The following RBM6 variants were observed in gnomAD, a reference collection of about 807,000 sequenced individuals.
RBM6 encodes the protein RNA-binding protein 6.
In RBM6, 23 loss-of-function variants were observed where a neutral mutation model predicts 140.4. That is an observed-to-expected ratio of 0.16 (90% CI 0.12 to 0.23). The LOEUF (loss-of-function observed/expected upper bound fraction) is 0.23. RBM6 is among the 10% of genes least tolerant of loss of function. The pLI is 1.00. For synonymous variants in RBM6, 439 were observed against 475.6 expected (o/e 0.92, Z 1.00); for missense variants, 1,139 against 1,386.7 (o/e 0.82, Z 2.84).
At chr3:49,997,264 T>A (rs2086126975) in intron 5 of RBM6, among the ~76,000 whole-genome samples, 1 of 152,120 alleles carries the variant, frequency 6.6e-6, no homozygotes, top group Admixed American at 6.6e-5. Context: ...GTGTTGGGCT[T>A]GTGAATATAA....
Position 50,024,500 on chromosome 3 carries a change from A to T in RBM6, c.1558-23745A>T, listed in dbSNP as rs368057000. Among the ~76,000 whole-genome samples, 15 of 152,194 alleles carry T rather than the reference A, an allele frequency of 9.9e-5. No homozygotes were observed. In the South Asian group the frequency reaches 1.0e-3, roughly 11 times the overall value. The stretch of plus-strand genomic sequence containing the variant: ...GTCTTTTGACTTTCTTTTGAGCCTT[A>T]TGTAATTAGAATCACAAAAGATGTA... On this transcript the variant is annotated intron_variant, in intron 6 of 20. Transcript: ENST00000266022.
intron 6 of RBM6, among the ~76,000 whole-genome samples, chr3:50,026,225 C>T (rs1290178066): frequency 6.6e-6 from 1 of 151,476 alleles, no homozygotes; most frequent in South Asian, 2.1e-4. Context: ...GCTGGGATTA[C>T]AGGCACCCAC....
chr3:49,979,371 T>C (rs1181165760), intron 5 of RBM6, among the ~76,000 whole-genome samples: 1 of 152,058 alleles, frequency 6.6e-6, no homozygotes, highest in Non-Finnish European at 1.5e-5. Context: ...ATTGTGAATG[T>C]ACTTAATGCT....
intron 6 of RBM6, among the ~76,000 whole-genome samples, chr3:50,032,127 A>T (rs2088202584): frequency 6.6e-6 from 1 of 152,130 alleles, no homozygotes; most frequent in African/African-American, 2.4e-5. Context: ...TGCCCAGTTA[A>T]AAAGCAGATT....
In RBM6 at chr3:50,061,767, T is replaced by C. The variant is rs555807640; in HGVS notation, c.2440-195T>C. On this transcript the variant is annotated intron_variant, in intron 14 of 20. Coordinates refer to ENST00000266022, the MANE Select transcript of RBM6 (RefSeq NM_005777.3). Reference sequence around the variant, plus strand: ...AATACAGGTAAGAACAGTGTTGCTCTTGAAAAAGTGGACAGTGGGTGGTCT... The same window carrying C: ...AATACAGGTAAGAACAGTGTTGCTCCTGAAAAAGTGGACAGTGGGTGGTCT... The C allele has an allele frequency of 1.0e-3, 1,363 of 1,313,940 alleles. 1 individual carries two copies. Among genetic ancestry groups the C allele is most frequent in the Non-Finnish European group, 1.3e-3 (1,278 of 985,526 alleles). The allele number at this position is 1,313,940 out of a possible 1,614,324, so 81.4% of individuals were successfully genotyped here. A position where few individuals can be genotyped will look rare whatever the true frequency, so the allele number is the denominator to read the frequency against.
chr3:50,007,455 T>A (rs537012983), intron 6 of RBM6, among the ~76,000 whole-genome samples: 1 of 151,732 alleles, frequency 6.6e-6, no homozygotes, highest in East Asian at 1.9e-4. Flanking sequence ...CCCAAAGTGC[T>A]GGATTACAGG....
chr3:50,027,944 A>C (rs2087932373), intron 6 of RBM6, among the ~76,000 whole-genome samples: 1 of 152,218 alleles, frequency 6.6e-6, no homozygotes, highest in South Asian at 2.1e-4. Context: ...TAGTGTTGAA[A>C]ACATGGCATA....
At chr3:50,053,854 A>G (rs988228867) in intron 7 of RBM6, among the ~76,000 whole-genome samples, 1 of 152,208 alleles carries the variant, frequency 6.6e-6, no homozygotes, top group African/African-American at 2.4e-5. Flanking sequence ...TGTCTTTTAG[A>G]TAGCTGCCAG....
intron 6 of RBM6, among the ~76,000 whole-genome samples, chr3:50,020,457 A>T (rs2087419060): frequency 6.6e-6 from 1 of 152,136 alleles, no homozygotes; most frequent in Non-Finnish European, 1.5e-5. Context: ...AGCTCAGATT[A>T]TTGATTTTTA....
At chr3:49,992,528 C>T (rs1332672598) in intron 5 of RBM6, among the ~76,000 whole-genome samples, 1 of 152,186 alleles carries the variant, frequency 6.6e-6, no homozygotes, top group Non-Finnish European at 1.5e-5. Flanking sequence ...CATTGCATCC[C>T]TGAAACCACC....
At chr3:50,034,062 GTCT>G (rs2088353408) in intron 6 of RBM6, among the ~76,000 whole-genome samples, 1 of 145,806 alleles carries the variant, frequency 6.9e-6, no homozygotes, top group South Asian at 2.2e-4. Flanking sequence ...ATAAGACTAT[GTCT>G]TCTTTTTATT....
At chr3:49,976,243 T>C (rs2085057745) in intron 5 of RBM6, among the ~76,000 whole-genome samples, 1 of 152,156 alleles carries the variant, frequency 6.6e-6, no homozygotes, top group African/African-American at 2.4e-5. Flanking sequence ...AGGATATAAT[T>C]TACTATTAGC....
rs2090265508 is a variant in RBM6, at chr3:50,070,450, A to G, written c.3019-5A>G. 1 of 1,612,174 alleles carries G rather than the reference A, an allele frequency of 6.2e-7. No individual in the cohort carries two copies. Among genetic ancestry groups the G allele is most frequent in the Non-Finnish European group, 8.5e-7 (1 of 1,178,388 alleles). ...TCTCAGGTCTGCTCTTCTGCTTACC[A>G]ACAGGGAAAGTTTAAAGGAAGAGGA... On this transcript the variant is annotated splice_region_variant and splice_polypyrimidine_tract_variant and intron_variant, in intron 18 of 20. Transcript: ENST00000266022.
intron 5 of RBM6, among the ~76,000 whole-genome samples, chr3:49,980,174 G>A (rs1330636796): frequency 6.6e-6 from 1 of 151,086 alleles, no homozygotes; most frequent in African/African-American, 2.4e-5. Context: ...GCTAATTTTT[G>A]TATTTTTTTT....
chr3:50,001,816 G>A (rs995014450), intron 6 of RBM6, among the ~76,000 whole-genome samples: 4 of 152,138 alleles, frequency 2.6e-5, no homozygotes, highest in African/African-American at 7.2e-5. Context: ...TAAGTCGTTC[G>A]CCTCTGTGCT....
At chr3:50,026,163 C>T (rs896316053) in intron 6 of RBM6, among the ~76,000 whole-genome samples, 10 of 151,790 alleles carry the variant, frequency 6.6e-5, no homozygotes, top group Non-Finnish European at 1.0e-4. Context: ...CGGCTCACTG[C>T]AGCCTCCGCC....
chr3:49,961,214 A>C (rs1290179337), intron 1 of RBM6, among the ~76,000 whole-genome samples: 1 of 151,988 alleles, frequency 6.6e-6, no homozygotes, highest in Non-Finnish European at 1.5e-5. Flanking sequence ...CATAGCTGGG[A>C]TTACAGGTGC....
intron 14 of RBM6, 114 bp downstream of exon 14, chr3:50,061,661 T>A: frequency 6.7e-7 from 1 of 1,491,314 alleles, no homozygotes; most frequent in South Asian, 1.3e-5. Context: ...ATTCTCTGGA[T>A]GCTCATTGCA....
At chr3:50,029,971 AG>A (rs2088056063) in intron 6 of RBM6, among the ~76,000 whole-genome samples, 3 of 151,100 alleles carry the variant, frequency 2.0e-5, no homozygotes, top group African/African-American at 7.3e-5. Context: ...TCGAGAGTAC[AG>A]TGAGCCATGA....
Sources: allele counts gnomAD v4.1 joint callset (sites outside exome capture counted in the v4.1 genomes callset), GRCh38; gene constraint gnomAD v4.1.1; transcripts MANE v1.5; gene names NCBI Gene and HGNC (gene_info 2026-07-23, HGNC 2026-07-21).